Variants in ATRNL1 observed in about 807,000 individuals in gnomAD.
The protein encoded by ATRNL1 is attractin like 1.
A neutral mutation model predicts 182.7 loss-of-function variants in ATRNL1; 95 were observed. The observed-to-expected ratio is 0.52, with a 90% CI of 0.44 to 0.62. ATRNL1 has a LOEUF of 0.62. Among genes scored for constraint, ATRNL1 ranks in the 20% least tolerant of loss-of-function variants. ATRNL1 has a pLI of 0.00. For missense variants in ATRNL1, 1,471 were observed against 1,679.5 expected, an observed-to-expected ratio of 0.88 and a Z score of 2.17; for synonymous variants, 576 against 568.3, an observed-to-expected ratio of 1.01 and a Z score of -0.19.
At chr10:115,297,554 A>C (rs1226927107) in intron 15 of ATRNL1, among the ~76,000 whole-genome samples, 1 of 150,790 alleles carries the variant, frequency 6.6e-6, no homozygotes, top group Non-Finnish European at 1.5e-5. Context: ...CCGAGGCAGG[A>C]GAATGGCGTG....
intron 22 of ATRNL1, among the ~76,000 whole-genome samples, chr10:115,466,883 C>A (rs1229963715): frequency 2.0e-5 from 3 of 151,000 alleles, no homozygotes; most frequent in Non-Finnish European, 4.5e-5. Flanking sequence ...TAGTCTACAG[C>A]TAAGCAAAGA....
chr10:115,923,824 C>T (rs1415517053), intron 28 of ATRNL1, among the ~76,000 whole-genome samples: 1 of 152,136 alleles, frequency 6.6e-6, no homozygotes, highest in African/African-American at 2.4e-5. Flanking sequence ...CTTGAGGAAT[C>T]GCCTACTGTC....
intron 26 of ATRNL1, among the ~76,000 whole-genome samples, chr10:115,577,885 G>T (rs371406874): frequency 6.6e-6 from 1 of 151,232 alleles, no homozygotes; most frequent in Non-Finnish European, 1.5e-5. Context: ...TTGGTTTTGG[G>T]CTTTTCATAA....
intron 26 of ATRNL1, among the ~76,000 whole-genome samples, chr10:115,580,977 G>C (rs1177631690): frequency 1.3e-5 from 2 of 152,062 alleles, no homozygotes; most frequent in African/African-American, 4.8e-5. Flanking sequence ...ACACCCATAT[G>C]ACTGTTTCTT....
intron 26 of ATRNL1, among the ~76,000 whole-genome samples, chr10:115,685,376 A>G (rs782230359): frequency 2.0e-5 from 3 of 151,812 alleles, no homozygotes; most frequent in Admixed American, 2.0e-4. Flanking sequence ...TATCATCTAT[A>G]CAATGGAGAT....
intron 19 of ATRNL1, among the ~76,000 whole-genome samples, chr10:115,335,705 A>G (rs1280477185): frequency 6.6e-6 from 1 of 152,238 alleles, no homozygotes; most frequent in African/African-American, 2.4e-5. Flanking sequence ...AAACTGATGC[A>G]TATCCTCCTG....
intron 6 of ATRNL1, among the ~76,000 whole-genome samples, chr10:115,163,605 A>G (rs1846903816): frequency 6.6e-6 from 1 of 151,900 alleles, no homozygotes; most frequent in Non-Finnish European, 1.5e-5. Flanking sequence ...TGCTCAAGTG[A>G]TCCTCCCACC....
intron 26 of ATRNL1, among the ~76,000 whole-genome samples, chr10:115,694,041 A>G (rs1158541339): frequency 6.6e-6 from 1 of 152,116 alleles, no homozygotes; most frequent in Non-Finnish European, 1.5e-5. Flanking sequence ...ATGACTATCC[A>G]TATAGTAACC....
chr10:115,718,335 T>A (rs10885788), intron 26 of ATRNL1, among the ~76,000 whole-genome samples: 56,572 of 151,836 alleles, frequency 0.37, 11,345 homozygotes, highest in East Asian at 0.59. Context: ...CATAATACTT[T>A]TATGTATTTG....
chr10:115,769,177 A>G (rs1422094000), intron 27 of ATRNL1, among the ~76,000 whole-genome samples: 1 of 152,138 alleles, frequency 6.6e-6, no homozygotes, highest in Non-Finnish European at 1.5e-5. Flanking sequence ...TTCAGTTTCA[A>G]AGTTGTAAAA....
At chr10:115,607,174 A>G (rs984765751) in intron 26 of ATRNL1, among the ~76,000 whole-genome samples, 6 of 151,980 alleles carry the variant, frequency 3.9e-5, no homozygotes, top group African/African-American at 1.4e-4. Flanking sequence ...GCAAATGTAT[A>G]TTAAAATTTA....
chr10:115,500,920 CTTTTTTTTTTT>C (rs71010023), intron 24 of ATRNL1, among the ~76,000 whole-genome samples: 19 of 54,434 alleles, frequency 3.5e-4, no homozygotes, highest in East Asian at 4.8e-4. Flanking sequence ...TCAGGTAAGA[CTTTTTTTTTTT>C]TTTTTTTTTT....
chr10:115,205,864 G>T (rs537021202), intron 8 of ATRNL1, among the ~76,000 whole-genome samples: 1 of 152,012 alleles, frequency 6.6e-6, no homozygotes, highest in East Asian at 1.9e-4. Context: ...ATACTTTAAA[G>T]AACTCAAAAA....
chr10:115,534,934 C>A (rs1267972800), intron 25 of ATRNL1, among the ~76,000 whole-genome samples: 1 of 152,214 alleles, frequency 6.6e-6, no homozygotes. Flanking sequence ...GTCCTATTGG[C>A]CCCCACTCTA....
chr10:115,325,601 A>G (rs886189231), intron 18 of ATRNL1, among the ~76,000 whole-genome samples: 3 of 152,138 alleles, frequency 2.0e-5, no homozygotes, highest in Non-Finnish European at 4.4e-5. Flanking sequence ...CTTGATTTAT[A>G]CTTTCCACCA....
At chr10:115,325,059 T>A (rs1854799276) in intron 18 of ATRNL1, among the ~76,000 whole-genome samples, 1 of 152,210 alleles carries the variant, frequency 6.6e-6, no homozygotes, top group Non-Finnish European at 1.5e-5. Flanking sequence ...TATTTTTAAA[T>A]GTTGCGCATC....
intron 26 of ATRNL1, among the ~76,000 whole-genome samples, chr10:115,668,572 G>T (rs782377191): frequency 2.0e-5 from 3 of 151,974 alleles, no homozygotes; most frequent in African/African-American, 2.4e-5. Context: ...TCTGATTTTG[G>T]TAACATCTGC....
intron 26 of ATRNL1, among the ~76,000 whole-genome samples, chr10:115,619,314 G>A (rs1208092509): frequency 6.6e-6 from 1 of 152,210 alleles, no homozygotes. Flanking sequence ...GAGGGCACAT[G>A]TGAACACTGG....
intron 19 of ATRNL1, among the ~76,000 whole-genome samples, chr10:115,368,819 T>A (rs1857223696): frequency 6.6e-6 from 1 of 151,998 alleles, no homozygotes; most frequent in African/African-American, 2.4e-5. Flanking sequence ...GTTCAAGTGA[T>A]TCTCCTGCCT....
Sources: gnomAD v4.1 joint callset for allele counts (sites outside exome capture counted in the v4.1 genomes callset) on GRCh38, gnomAD v4.1.1 for gene constraint, MANE v1.5 for transcripts, NCBI Gene and HGNC (gene_info 2026-07-23, HGNC 2026-07-21) for gene names.